The following WARS2 variants were observed in gnomAD, a reference collection of about 807,000 sequenced individuals.
WARS2 encodes tryptophan--tRNA ligase, mitochondrial.
In WARS2, 28 loss-of-function variants were observed where a neutral mutation model predicts 36.5. The ratio of observed to expected loss-of-function variants is 0.77; its 90% confidence interval spans 0.57 to 1.05. The LOEUF is 1.05. Ranked by LOEUF, WARS2 falls within the 50% of genes least tolerant of loss-of-function variation. The pLI, the probability that WARS2 is intolerant of heterozygous loss-of-function variation, is 0.00. For missense variants in WARS2, 435 were observed against 456.8 expected (o/e 0.95, Z 0.44); for synonymous variants, 174 against 178.4 (o/e 0.98, Z 0.20).
intron 2 of WARS2, among the ~76,000 whole-genome samples, chr1:119,066,865 C>T (rs972047220): frequency 6.6e-5 from 10 of 152,220 alleles, no homozygotes; most frequent in Admixed American, 6.5e-4. Context: ...ATCATATATC[C>T]TCCTGAATGT....
rs1450956069 is a variant in WARS2 at position 119,140,649 on chromosome 1, A to G, written c.-5T>C. ...CCGCATTGAGTGCAGCGCCATCTTG[A>G]GAAGGGCGGAGCCGTCTTGTTTGGA... is the stretch of plus-strand genomic sequence containing the variant. On this transcript the variant is annotated 5_prime_UTR_variant, in exon 1 of 6. Coordinates refer to ENST00000235521, the MANE Select transcript of WARS2 (RefSeq NM_015836.4). 5 of 1,610,812 alleles carry G rather than the reference A, an allele frequency of 3.1e-6. No homozygotes were observed. Among genetic ancestry groups the G allele is most frequent in the Non-Finnish European group, 4.2e-6 (5 of 1,178,246 alleles).
intron 1 of WARS2, among the ~76,000 whole-genome samples, chr1:119,093,468 G>C: frequency 6.0e-5 from 1 of 16,538 alleles, no homozygotes; most frequent in East Asian, 3.5e-3. Flanking sequence ...CAGTTAAGAT[G>C]AAGTCATAAA....
At chr1:119,075,708 T>C (rs943072568) in intron 2 of WARS2, among the ~76,000 whole-genome samples, 3 of 152,156 alleles carry the variant, frequency 2.0e-5, no homozygotes, top group Non-Finnish European at 4.4e-5. Context: ...CTAGGGTGTA[T>C]CTTGATTGCC....
Position 119,140,611 on chromosome 1 carries a change from G to C in WARS2, c.34C>G (p.Arg12Gly). The change falls in exon 1 of 6, where the codon CGC becomes GGC. Residue 12 changes from arginine (R) to glycine (G), a missense_variant. By Grantham distance (125) the Arg-to-Gly change is moderately radical (BLOSUM62 -2). Transcript: ENST00000235521. The stretch of plus-strand genomic sequence containing the variant: ...TGAAGTGCCCGGATGAAGCTCCAGC[G>C]CTCACGCGCTTTCCGCATTGAGTGC... ...ALHSMRKARERWSFIRALHKG... is the reference protein window; with the variant it reads ...ALHSMRKAREGWSFIRALHKG... 1 of 1,613,894 alleles carries C rather than the reference G, an allele frequency of 6.2e-7. No individual in the cohort carries two copies. Among genetic ancestry groups the C allele is most frequent in the African/African-American group, 1.3e-5 (1 of 75,068 alleles).
intron 1 of WARS2, among the ~76,000 whole-genome samples, chr1:119,079,783 A>G (rs751695430): frequency 5.3e-5 from 8 of 152,196 alleles, no homozygotes; most frequent in Non-Finnish European, 8.8e-5. Context: ...TGCTTGATCC[A>G]GGAACTGAGG....
chr1:119,127,233 T>C (rs1321655986), intron 1 of WARS2: 1 of 761,288 alleles, frequency 1.3e-6, no homozygotes, highest in Admixed American at 1.8e-5. Context: ...ATCGACCACT[T>C]TCTTCTTGGC....
chr1:119,102,775 C>T (rs1182334309), intron 1 of WARS2, among the ~76,000 whole-genome samples: 1 of 152,166 alleles, frequency 6.6e-6, no homozygotes, highest in Non-Finnish European at 1.5e-5. Context: ...TACTAAAGCT[C>T]TTCTAAAATA....
At chr1:119,043,354 T>C (rs1222499629) in intron 3 of WARS2, among the ~76,000 whole-genome samples, 1 of 152,228 alleles carries the variant, frequency 6.6e-6, no homozygotes, top group Non-Finnish European at 1.5e-5. Flanking sequence ...TAAACTTGTT[T>C]TATTCCAGGG....
Position 119,033,058 on chromosome 1 carries a change from C to T in WARS2, c.936G>A (p.Glu312=). The change falls in exon 6 of 6, where the codon GAG becomes GAA. Residue 312 remains glutamate, a synonymous_variant. Transcript: ENST00000235521. Reference sequence around the variant, plus strand: ...TTTCACGCTTAATTGGGGCAAACTTCTCAATCACAGCATCTGCCACGGCCA... The same window carrying T: ...TTTCACGCTTAATTGGGGCAAACTTTTCAATCACAGCATCTGCCACGGCCA... ...YKLAVADAVI[E]KFAPIKREIE... The T allele has an allele frequency of 5.0e-6, 8 of 1,614,258 alleles. No homozygotes were observed. Among genetic ancestry groups the T allele is most frequent in the Non-Finnish European group, 6.8e-6 (8 of 1,180,056 alleles).
chr1:119,121,414 C>T (rs1355130462), intron 1 of WARS2, among the ~76,000 whole-genome samples: 2 of 152,134 alleles, frequency 1.3e-5, no homozygotes, highest in Non-Finnish European at 2.9e-5. Context: ...AATGGAAACA[C>T]ATCCCATGTT....
rs1651752900 is a variant in WARS2 at position 119,076,605 on chromosome 1, T to C, written c.93A>G (p.Lys31=). 1 of 1,614,066 alleles carries C rather than the reference T, an allele frequency of 6.2e-7. No homozygotes were observed. The highest frequency in any genetic ancestry group is 1.3e-5 in the African/African-American group (1 of 75,048). The change falls in exon 2 of 6, where the codon AAA becomes AAG. Residue 31 remains lysine, a splice_region_variant and synonymous_variant. Transcript: ENST00000235521. ...KGSAAAPALQ[K]DSKKRVFSGI... Reference sequence around the variant, plus strand: ...CGGAAAATACTCGCTTCTTGCTGTCTTTCTGGAACAAAGGAAAACAAGCAT... The same window carrying C: ...CGGAAAATACTCGCTTCTTGCTGTCCTTCTGGAACAAAGGAAAACAAGCAT...
chr1:119,066,311 T>C (rs1369573521), intron 2 of WARS2, among the ~76,000 whole-genome samples: 1 of 151,718 alleles, frequency 6.6e-6, no homozygotes, highest in Non-Finnish European at 1.5e-5. Flanking sequence ...ACCCCGTCTT[T>C]ACTAAAAATA....
At chr1:119,064,512 A>C (rs1650666562) in intron 2 of WARS2, 1 of 152,188 alleles carries the variant, frequency 6.6e-6, no homozygotes, top group Non-Finnish European at 1.5e-5. Flanking sequence ...ATGTCCCCAC[A>C]TAATCTCAAC....
intron 1 of WARS2, among the ~76,000 whole-genome samples, chr1:119,109,215 T>C (rs1654454789): frequency 6.6e-6 from 1 of 151,974 alleles, no homozygotes; most frequent in South Asian, 2.1e-4. Flanking sequence ...CATCTATAGA[T>C]GTCAGTTCTA....
At chr1:119,128,183 TC>T (rs1427569240) in intron 1 of WARS2, among the ~76,000 whole-genome samples, 3 of 152,082 alleles carry the variant, frequency 2.0e-5, no homozygotes, top group Non-Finnish European at 4.4e-5. Flanking sequence ...CAAGCTATTA[TC>T]CTACCTCAGC....
chr1:119,034,040 C>G, intron 5 of WARS2, 55 bp downstream of exon 5: 2 of 1,505,374 alleles, frequency 1.3e-6, no homozygotes, highest in African/African-American at 1.4e-5. Flanking sequence ...TATCTATTGT[C>G]CAATCCTCTC....
At chr1:119,126,330 C>T (rs935851571) in intron 1 of WARS2, among the ~76,000 whole-genome samples, 1 of 151,720 alleles carries the variant, frequency 6.6e-6, no homozygotes, top group Non-Finnish European at 1.5e-5. Flanking sequence ...TTTACAATTT[C>T]TAATTTCAAT....
intron 2 of WARS2, among the ~76,000 whole-genome samples, chr1:119,075,454 C>T (rs1255582542): frequency 4.6e-5 from 7 of 152,114 alleles, no homozygotes; most frequent in African/African-American, 1.7e-4. Flanking sequence ...TCATTATACT[C>T]TTTTCGTTTA....
chr1:119,059,428 T>A (rs944354641), intron 2 of WARS2, among the ~76,000 whole-genome samples: 13 of 152,156 alleles, frequency 8.5e-5, no homozygotes, highest in African/African-American at 3.1e-4. Context: ...CTAGGGTTTT[T>A]ATGGTTTTAG....
Sources: allele counts gnomAD v4.1 joint callset (sites outside exome capture counted in the v4.1 genomes callset), GRCh38; gene constraint gnomAD v4.1.1; transcripts MANE v1.5; gene names NCBI Gene and HGNC (gene_info 2026-07-23, HGNC 2026-07-21).